Variants in BBS9 observed in about 807,000 individuals in gnomAD.
BBS9 encodes Bardet-Biedl syndrome 9.
In BBS9, 89 loss-of-function variants were observed where a neutral mutation model predicts 117.7. The observed-to-expected ratio is 0.76, with a 90% confidence interval of 0.64 to 0.90. BBS9 has a LOEUF of 0.90. BBS9 is among the 40% of genes least tolerant of loss of function. BBS9 has a pLI of 0.00. For missense variants in BBS9, 982 were observed against 1,042.2 expected (o/e 0.94, Z 0.80); for synonymous variants, 379 against 370.9 (o/e 1.02, Z -0.25).
At chr7:33,310,113 C>T (rs1045831892) in intron 9 of BBS9, among the ~76,000 whole-genome samples, 3 of 152,198 alleles carry the variant, frequency 2.0e-5, no homozygotes, top group African/African-American at 4.8e-5. Context: ...AGCTTGCTTG[C>T]CTTGCCTCCT....
At chr7:33,585,959 C>G (rs1291799177) in intron 21 of BBS9, among the ~76,000 whole-genome samples, 1 of 152,010 alleles carries the variant, frequency 6.6e-6, no homozygotes, top group Non-Finnish European at 1.5e-5. Flanking sequence ...GTCAGTAAAT[C>G]TTTTTATCAT....
At chr7:33,170,981 A>G (rs1391365800) in intron 4 of BBS9, among the ~76,000 whole-genome samples, 3 of 149,800 alleles carry the variant, frequency 2.0e-5, no homozygotes, top group African/African-American at 7.3e-5. Flanking sequence ...AGAACATTCC[A>G]TGCTCATGGG....
At chr7:33,162,231 G>A (rs997438644) in intron 4 of BBS9, among the ~76,000 whole-genome samples, 4 of 152,114 alleles carry the variant, frequency 2.6e-5, no homozygotes, top group African/African-American at 9.7e-5. Context: ...TGTATAAGGT[G>A]TAAGGAAGGG....
intron 19 of BBS9, among the ~76,000 whole-genome samples, chr7:33,404,718 T>G (rs1303073621): frequency 1.3e-5 from 2 of 151,542 alleles, no homozygotes; most frequent in Admixed American, 1.3e-4. Flanking sequence ...TTGCTGAAGT[T>G]GCTTATCAGC....
intron 5 of BBS9, among the ~76,000 whole-genome samples, chr7:33,240,292 A>G (rs1433298920): frequency 6.9e-6 from 1 of 144,602 alleles, no homozygotes; most frequent in East Asian, 2.0e-4. Context: ...GGATCTTGCT[A>G]TGTCACCCAT....
intron 19 of BBS9, among the ~76,000 whole-genome samples, chr7:33,431,484 G>A (rs1404293801): frequency 4.6e-4 from 70 of 152,150 alleles, no homozygotes; most frequent in Admixed American, 4.3e-3. Flanking sequence ...AGAAGGTGGA[G>A]CCTTAGGGAG....
intron 21 of BBS9, among the ~76,000 whole-genome samples, chr7:33,536,176 C>G (rs1053256084): frequency 6.6e-6 from 1 of 152,110 alleles, no homozygotes; most frequent in African/African-American, 2.4e-5. Flanking sequence ...TATGCCTGGC[C>G]TGGCTGAGTT....
intron 19 of BBS9, among the ~76,000 whole-genome samples, chr7:33,491,558 T>C (rs765123632): frequency 2.6e-5 from 4 of 152,178 alleles, no homozygotes; most frequent in Non-Finnish European, 5.9e-5. Flanking sequence ...TGAACAAATA[T>C]TTGTTGAGCC....
At chr7:33,393,639 C>A (rs1454879856) in intron 19 of BBS9, among the ~76,000 whole-genome samples, 11 of 152,086 alleles carry the variant, frequency 7.2e-5, no homozygotes. Context: ...GTAGGCCTTT[C>A]CAAAGATGAA....
intron 19 of BBS9, among the ~76,000 whole-genome samples, chr7:33,439,503 A>G (rs1227228385): frequency 1.4e-5 from 2 of 143,364 alleles, no homozygotes; most frequent in African/African-American, 5.2e-5. Flanking sequence ...GCCCACATCC[A>G]CTTTTTCCAC....
At chr7:33,194,587 T>C (rs925695575) in intron 5 of BBS9, among the ~76,000 whole-genome samples, 3 of 152,218 alleles carry the variant, frequency 2.0e-5, no homozygotes, top group Admixed American at 6.5e-5. Context: ...TTCCTGTGGA[T>C]TCAGCAGTTC....
intron 21 of BBS9, among the ~76,000 whole-genome samples, chr7:33,586,690 G>T (rs1371552724): frequency 6.6e-6 from 1 of 152,028 alleles, no homozygotes; most frequent in Non-Finnish European, 1.5e-5. Flanking sequence ...TGGTACATAT[G>T]CACCATGGAG....
intron 19 of BBS9, among the ~76,000 whole-genome samples, chr7:33,477,798 G>A (rs1324531312): frequency 6.6e-6 from 1 of 152,138 alleles, no homozygotes; most frequent in Non-Finnish European, 1.5e-5. Flanking sequence ...TTCTAGAAGG[G>A]GTTAACTAAT....
intron 1 of BBS9, among the ~76,000 whole-genome samples, chr7:33,144,709 A>G (rs1204087880): frequency 6.6e-6 from 1 of 152,186 alleles, no homozygotes; most frequent in Non-Finnish European, 1.5e-5. Flanking sequence ...GCTGTGATGT[A>G]TCTTGTGGAG....
chr7:33,473,834 C>T (rs1009607952), intron 19 of BBS9, among the ~76,000 whole-genome samples: 9 of 152,116 alleles, frequency 5.9e-5, no homozygotes, highest in African/African-American at 1.9e-4. Context: ...ATCACTTTCC[C>T]CACCAGACAT....
chr7:33,258,066 A>G (rs1247680140), intron 6 of BBS9, among the ~76,000 whole-genome samples: 1 of 152,198 alleles, frequency 6.6e-6, no homozygotes, highest in Non-Finnish European at 1.5e-5. Flanking sequence ...AGATTTAAAT[A>G]AAAGTCAAGG....
chr7:33,388,308 C>G (rs1826408702), intron 19 of BBS9, among the ~76,000 whole-genome samples, 164 bp downstream of exon 19: 1 of 152,170 alleles, frequency 6.6e-6, no homozygotes, highest in South Asian at 2.1e-4. Context: ...GGTTCAAAGT[C>G]AAACTCTGCT....
At chr7:33,216,128 T>A (rs1789012394) in intron 5 of BBS9, among the ~76,000 whole-genome samples, 1 of 152,242 alleles carries the variant, frequency 6.6e-6, no homozygotes, top group Non-Finnish European at 1.5e-5. Flanking sequence ...CAATGCATAT[T>A]TCTGACACTA....
intron 19 of BBS9, among the ~76,000 whole-genome samples, chr7:33,476,775 G>A (rs1447944020): frequency 6.6e-6 from 1 of 152,144 alleles, no homozygotes; most frequent in Non-Finnish European, 1.5e-5. Flanking sequence ...AACCCCAACT[G>A]TCTTGTCATA....
Sources: allele counts gnomAD v4.1 joint callset (sites outside exome capture counted in the v4.1 genomes callset), GRCh38; gene constraint gnomAD v4.1.1; transcripts MANE v1.5; gene names NCBI Gene and HGNC (gene_info 2026-07-23, HGNC 2026-07-21).